The following ENPP2 variants were observed in gnomAD, a reference collection of about 807,000 sequenced individuals.
ENPP2 encodes the protein ectonucleotide pyrophosphatase/phosphodiesterase 2, also known as autotaxin.
In ENPP2, 51 loss-of-function variants were observed where a neutral mutation model predicts 120.2. The observed-to-expected ratio is 0.42, with a 90% CI of 0.34 to 0.54. The LOEUF is 0.54. ENPP2 is among the 20% of genes least tolerant of loss of function. The pLI, the probability that ENPP2 is intolerant of heterozygous loss-of-function variation, is 0.04. For synonymous variants in ENPP2, 365 were observed against 366.4 expected (o/e 1.00, Z 0.04); for missense variants, 920 against 1,066.5 (o/e 0.86, Z 1.91).
At chr8:119,569,438 T>C (rs1814767651) in intron 20 of ENPP2, 68 bp from the exon 21 acceptor site, 2 of 1,493,872 alleles carry the variant, frequency 1.3e-6, no homozygotes, top group South Asian at 2.3e-5. Flanking sequence ...TCAAAACCCC[T>C]CTGGCTTCTC....
intron 17 of ENPP2, among the ~76,000 whole-genome samples, chr8:119,583,288 C>T (rs1389573911): frequency 6.6e-6 from 1 of 152,182 alleles, no homozygotes; most frequent in Non-Finnish European, 1.5e-5. Context: ...TGTCCTCATT[C>T]AGCAACTAGA....
At chr8:119,589,290 C>T (rs999297396) in intron 13 of ENPP2, among the ~76,000 whole-genome samples, 4 of 152,160 alleles carry the variant, frequency 2.6e-5, no homozygotes, top group African/African-American at 9.7e-5. Context: ...GATATGAACC[C>T]AGACATCTGT....
chr8:119,590,106 C>T (rs894758427), intron 13 of ENPP2, among the ~76,000 whole-genome samples: 4 of 152,102 alleles, frequency 2.6e-5, no homozygotes, highest in African/African-American at 9.7e-5. Flanking sequence ...TACATAGACC[C>T]TCTAGTTTCA....
At chr8:119,621,990 G>A (rs567970511) in intron 3 of ENPP2, among the ~76,000 whole-genome samples, 3 of 152,066 alleles carry the variant, frequency 2.0e-5, no homozygotes, top group South Asian at 4.2e-4. Flanking sequence ...GTGCTGTGGC[G>A]CAATCTCGGC....
At position 119,587,054 on chromosome 8, in the gene ENPP2, G is replaced by T; in HGVS notation, c.1229C>A (p.Ala410Asp). The change falls in exon 14 of 25, where the codon GCC (alanine) becomes GAC (aspartate). Residue 410 changes from alanine (A) to aspartate (D), a missense_variant. Coordinates refer to ENST00000075322, the MANE Select transcript of ENPP2 (RefSeq NM_001040092.3). ...ACTGGAAACACTTACCGTGAGATTG[G>T]CAATAATGGCTTTGGGGTCATCTGT... ...NAKYDPKAII[A>D]NLTCKKPDQH... is the part of the protein sequence containing the mutation. The T allele has an allele frequency of 6.2e-7, 1 of 1,608,940 alleles. No homozygotes were observed. Among genetic ancestry groups the T allele is most frequent in the Non-Finnish European group, 8.5e-7 (1 of 1,178,040 alleles).
At chr8:119,622,591 G>T (rs567958174) in intron 3 of ENPP2, among the ~76,000 whole-genome samples, 2 of 152,322 alleles carry the variant, frequency 1.3e-5, no homozygotes, top group African/African-American at 4.8e-5. Flanking sequence ...GGCAGGAAAA[G>T]TGACACCTCT....
At position 119,557,637 on chromosome 8, in the gene ENPP2, T is replaced by G. The variant is rs2305129; in HGVS notation, c.2476A>C (p.Arg826=). 0.056 allele frequency: 89,753 copies of G among 1,604,786 alleles called. 4,587 individuals are homozygous for G. The highest frequency in any genetic ancestry group is 0.21 in the African/African-American group (15,661 of 74,420). The change falls in exon 25 of 25, where the codon AGG becomes CGG. Residue 826 remains arginine, a synonymous_variant. Transcript: ENST00000075322. The part of the protein sequence containing the change: ...VEELMKMHTA[R]VRDIEHLTSL... ...GTGAGATGTTCAATGTCACGCACCC[T>G]AGCTGTGTGCATCTTCATGAGTTCT...
intron 1 of ENPP2, among the ~76,000 whole-genome samples, chr8:119,647,337 C>G (rs1351018116): frequency 6.6e-6 from 1 of 152,126 alleles, no homozygotes; most frequent in African/African-American, 2.4e-5. Context: ...CTTTTGATCT[C>G]TCCAAATGCA....
rs537168410 is a variant in ENPP2, at chr8:119,573,296, A to G, written c.1781-2455T>C. ...GTGGTGCGCACCTGTAATCCCAGCTACTAGGGAGTCTGAGACAGGAGAATC... is the reference window on the plus strand; with the variant it reads ...GTGGTGCGCACCTGTAATCCCAGCTGCTAGGGAGTCTGAGACAGGAGAATC... On this transcript the variant is annotated intron_variant, in intron 19 of 24. Transcript: ENST00000075322. 4.6e-5 allele frequency: 7 copies of G among 151,860 alleles called. No homozygotes were observed. In the South Asian group the frequency reaches 1.5e-3, roughly 32 times the overall value. The allele number at this position is 151,860 out of a possible 1,614,324, so 9.4% of individuals were successfully genotyped here. A position where few individuals can be genotyped will look rare whatever the true frequency, so the allele number is the denominator to read the frequency against.
chr8:119,644,907 G>T (rs374952719), intron 1 of ENPP2, among the ~76,000 whole-genome samples: 2 of 151,994 alleles, frequency 1.3e-5, no homozygotes, highest in Non-Finnish European at 2.9e-5. Flanking sequence ...GGGCTGAGTC[G>T]CTAGCAGGCT....
intron 8 of ENPP2, among the ~76,000 whole-genome samples, 169 bp downstream of exon 8, chr8:119,616,096 T>A (rs1243886696): frequency 6.6e-6 from 1 of 151,978 alleles, no homozygotes; most frequent in Non-Finnish European, 1.5e-5. Context: ...ATAATGCATA[T>A]ATACACATAT....
chr8:119,569,383 C>A lies in ENPP2; in HGVS notation c.1918-13G>T, dbSNP rs773057954. 30 of 1,613,332 alleles carry A rather than the reference C, an allele frequency of 1.9e-5. No homozygotes were observed. The highest frequency in any genetic ancestry group is 2.3e-5 in the Non-Finnish European group (27 of 1,179,868). On this transcript the variant is annotated splice_polypyrimidine_tract_variant and intron_variant, in intron 20 of 24. Transcript: ENST00000075322. ...TGGAAACCTCAGCCTGCACGGGAGT[C>A]AGAGGCACTCAGCAATGCCGTGGCT...
chr8:119,657,408 A>G (rs998199150), intron 1 of ENPP2, among the ~76,000 whole-genome samples: 5 of 152,154 alleles, frequency 3.3e-5, no homozygotes, highest in Admixed American at 6.6e-5. Context: ...TTCTTACTAA[A>G]CTGAAAGTTT....
chr8:119,643,556 T>C (rs1225005771), upstream of ENPP2, among the ~76,000 whole-genome samples: 2 of 151,888 alleles, frequency 1.3e-5, no homozygotes, highest in Non-Finnish European at 2.9e-5. Flanking sequence ...TTACTCCCTA[T>C]GGAATCTACA....
chr8:119,642,765 G>A (rs1817319948), upstream of ENPP2, among the ~76,000 whole-genome samples: 1 of 152,142 alleles, frequency 6.6e-6, no homozygotes, highest in African/African-American at 2.4e-5. Context: ...TTGCTTAATT[G>A]TAATACAGTA....
chr8:119,600,336 T>C (rs1181907111), intron 11 of ENPP2, among the ~76,000 whole-genome samples: 1 of 152,134 alleles, frequency 6.6e-6, no homozygotes, highest in Non-Finnish European at 1.5e-5. Flanking sequence ...TCTCAAGATT[T>C]TTTTCCATGC....
chr8:119,570,356 C>T (rs975475534), intron 20 of ENPP2, among the ~76,000 whole-genome samples: 2 of 150,888 alleles, frequency 1.3e-5, no homozygotes, highest in Non-Finnish European at 2.9e-5. Flanking sequence ...CTGCACTTTA[C>T]ACTCAATCTT....
intron 1 of ENPP2, among the ~76,000 whole-genome samples, chr8:119,655,928 G>A (rs1477646196): frequency 1.3e-5 from 2 of 152,176 alleles, no homozygotes; most frequent in African/African-American, 2.4e-5. Flanking sequence ...CAAGTGAGGG[G>A]CAGTTGAGAA....
intron 22 of ENPP2, among the ~76,000 whole-genome samples, chr8:119,565,666 TC>T (rs1222372897): frequency 6.6e-6 from 1 of 151,960 alleles, no homozygotes; most frequent in African/African-American, 2.4e-5. Context: ...ATCCCAATTA[TC>T]CCAAATTTGA....
Sources: gnomAD v4.1 joint callset for allele counts (sites outside exome capture counted in the v4.1 genomes callset) on GRCh38, gnomAD v4.1.1 for gene constraint, MANE v1.5 for transcripts, NCBI Gene and HGNC (gene_info 2026-07-23, HGNC 2026-07-21) for gene names.